CTNNA2: variants seen among roughly 807,000 people sequenced by gnomAD.
The protein encoded by CTNNA2 is catenin alpha-2.
A neutral mutation model predicts 101.0 loss-of-function variants in CTNNA2; 42 were observed. That is an observed-to-expected ratio of 0.42 (90% confidence interval 0.32 to 0.54). CTNNA2 has a LOEUF of 0.54. Among genes scored for constraint, CTNNA2 ranks in the 20% least tolerant of loss-of-function variants. The pLI, the probability that CTNNA2 is intolerant of heterozygous loss-of-function variation, is 0.14. For synonymous variants in CTNNA2, 450 were observed against 456.4 expected, an observed-to-expected ratio of 0.99 and a Z score of 0.18; for missense variants, 871 against 1,223.1, an observed-to-expected ratio of 0.71 and a Z score of 4.29.
intron 16 of CTNNA2, among the ~76,000 whole-genome samples, chr2:80,606,761 A>C (rs1698064448): frequency 6.6e-6 from 1 of 151,926 alleles, no homozygotes; most frequent in South Asian, 2.1e-4. Flanking sequence ...TAAAGATTTG[A>C]GATATGCATG....
At chr2:79,380,381 TTA>T (rs1678026034) in intron 4 of CTNNA2, among the ~76,000 whole-genome samples, 2 of 10,810 alleles carry the variant, frequency 1.9e-4, no homozygotes, top group Non-Finnish European at 2.3e-4. Flanking sequence ...CTCTTCCATT[TTA>T]TGAAAATGGA....
At chr2:80,494,301 A>G (rs1687275087) in intron 9 of CTNNA2, among the ~76,000 whole-genome samples, 1 of 152,328 alleles carries the variant, frequency 6.6e-6, no homozygotes, top group African/African-American at 2.4e-5. Context: ...AGGCAAAGTC[A>G]CTGGACAGGA....
intron 7 of CTNNA2, among the ~76,000 whole-genome samples, chr2:79,940,979 T>G (rs578140579): frequency 3.8e-4 from 58 of 152,288 alleles, no homozygotes; most frequent in African/African-American, 1.4e-3. Flanking sequence ...GCATACTGCT[T>G]TATCCCAAAA....
chr2:80,433,575 A>T (rs900688438), intron 9 of CTNNA2, among the ~76,000 whole-genome samples: 2 of 152,032 alleles, frequency 1.3e-5, no homozygotes, highest in Non-Finnish European at 2.9e-5. Context: ...GTTGGAGGAA[A>T]GTGGGAAAAG....
chr2:79,878,861 T>C (rs1683214409), intron 6 of CTNNA2, among the ~76,000 whole-genome samples: 1 of 152,224 alleles, frequency 6.6e-6, no homozygotes, highest in Non-Finnish European at 1.5e-5. Context: ...TTTGTTGCAA[T>C]TGCTTTTGGT....
chr2:79,669,911 G>A (rs1682710377), intron 2 of CTNNA2, among the ~76,000 whole-genome samples: 1 of 152,168 alleles, frequency 6.6e-6, no homozygotes, highest in Admixed American at 6.5e-5. Flanking sequence ...CCTGTCAGTG[G>A]GACTGGCAGC....
intron 3 of CTNNA2, among the ~76,000 whole-genome samples, chr2:79,333,584 A>G (rs1573088437): frequency 6.6e-6 from 1 of 152,186 alleles, no homozygotes; most frequent in Non-Finnish European, 1.5e-5. Flanking sequence ...TCCTGTATGC[A>G]TAACATAGAA....
chr2:80,553,146 C>T (rs1692726550), intron 11 of CTNNA2, among the ~76,000 whole-genome samples: 1 of 150,406 alleles, frequency 6.6e-6, no homozygotes, highest in Non-Finnish European at 1.5e-5. Context: ...ATCTCCTGAA[C>T]TTGGCAGACT....
intron 7 of CTNNA2, among the ~76,000 whole-genome samples, chr2:80,118,350 T>C (rs1448354404): frequency 6.6e-6 from 1 of 152,216 alleles, no homozygotes; most frequent in Non-Finnish European, 1.5e-5. Context: ...GGCTTTCCAT[T>C]TTCCTTGAAA....
At chr2:79,862,646 A>G (rs1326854447) in intron 4 of CTNNA2, among the ~76,000 whole-genome samples, 1 of 152,220 alleles carries the variant, frequency 6.6e-6, no homozygotes, top group East Asian at 1.9e-4. Context: ...CTTAAGAACT[A>G]TTTATTAGGT....
At chr2:79,453,996 T>C (rs1034240817) in intron 4 of CTNNA2, among the ~76,000 whole-genome samples, 3 of 152,222 alleles carry the variant, frequency 2.0e-5, no homozygotes, top group African/African-American at 7.2e-5. Flanking sequence ...TATTATCATA[T>C]AGATAAAGCC....
chr2:80,040,796 A>G (rs1695995830), intron 7 of CTNNA2, among the ~76,000 whole-genome samples: 1 of 152,222 alleles, frequency 6.6e-6, no homozygotes, highest in African/African-American at 2.4e-5. Flanking sequence ...TAAAGGTCTT[A>G]AAATTTAACG....
At chr2:79,388,291 A>T (rs1256729927) in intron 4 of CTNNA2, among the ~76,000 whole-genome samples, 1 of 152,140 alleles carries the variant, frequency 6.6e-6, no homozygotes, top group Non-Finnish European at 1.5e-5. Context: ...TCCAAAGGGA[A>T]GCTGACTTCT....
At chr2:79,652,596 A>G (rs950873402) in intron 2 of CTNNA2, among the ~76,000 whole-genome samples, 1 of 151,956 alleles carries the variant, frequency 6.6e-6, no homozygotes, top group East Asian at 1.9e-4. Flanking sequence ...GACCCTTGTG[A>G]TTATGTTCGG....
chr2:79,515,763 T>C (rs1671773824), intron 1 of CTNNA2, among the ~76,000 whole-genome samples: 2 of 152,204 alleles, frequency 1.3e-5, no homozygotes, highest in Admixed American at 1.3e-4. Flanking sequence ...AAAGACTGAC[T>C]TCCTCTGAAG....
chr2:79,682,962 A>T (rs1683686147), intron 2 of CTNNA2, among the ~76,000 whole-genome samples: 2 of 152,244 alleles, frequency 1.3e-5, no homozygotes, highest in South Asian at 4.1e-4. Context: ...AAGTTGTAGG[A>T]ATAGTATAAA....
At chr2:80,024,890 T>C (rs771568494) in intron 7 of CTNNA2, among the ~76,000 whole-genome samples, 2 of 152,098 alleles carry the variant, frequency 1.3e-5, no homozygotes, top group Non-Finnish European at 2.9e-5. Context: ...CAGGAAGAAT[T>C]AGGTCATGCA....
At chr2:79,935,104 A>G (rs1200305123) in intron 7 of CTNNA2, among the ~76,000 whole-genome samples, 2 of 152,202 alleles carry the variant, frequency 1.3e-5, no homozygotes, top group African/African-American at 2.4e-5. Context: ...AATAATAACA[A>G]CAATGAAAAT....
chr2:79,892,305 C>A (rs1356803928), intron 6 of CTNNA2, among the ~76,000 whole-genome samples: 1 of 151,920 alleles, frequency 6.6e-6, no homozygotes, highest in African/African-American at 2.4e-5. Context: ...ATAACAAAAC[C>A]TCTGCAAATA....
Sources: gnomAD v4.1 joint callset for allele counts (sites outside exome capture counted in the v4.1 genomes callset) on GRCh38, gnomAD v4.1.1 for gene constraint, MANE v1.5 for transcripts, NCBI Gene and HGNC (gene_info 2026-07-23, HGNC 2026-07-21) for gene names.